The following NRXN1 variants were observed in gnomAD, a reference collection of about 807,000 sequenced individuals.
NRXN1 encodes neurexin-1.
Under a neutral mutation model 150.9 loss-of-function variants are expected in NRXN1, and 39 were observed. That is an observed-to-expected ratio of 0.26 (90% CI 0.20 to 0.34). The LOEUF is 0.34. NRXN1 is among the 10% of genes least tolerant of loss of function. NRXN1 has a pLI of 1.00. For missense variants in NRXN1, 1,815 were observed against 1,949.9 expected (o/e 0.93, Z 1.30); for synonymous variants, 924 against 757.0 (o/e 1.22, Z -3.62).
intron 17 of NRXN1, among the ~76,000 whole-genome samples, chr2:50,305,689 G>T (rs188458973): frequency 6.6e-6 from 1 of 152,126 alleles, no homozygotes. Flanking sequence ...TTATGAGAAA[G>T]TCTATTTGTG....
At chr2:50,831,099 A>G (rs1195488954) in intron 5 of NRXN1, among the ~76,000 whole-genome samples, 2 of 152,206 alleles carry the variant, frequency 1.3e-5, no homozygotes, top group African/African-American at 4.8e-5. Flanking sequence ...CAAACAATCC[A>G]ATTATACTCC....
At chr2:50,289,902 T>A (rs1176919755) in intron 17 of NRXN1, among the ~76,000 whole-genome samples, 2 of 152,154 alleles carry the variant, frequency 1.3e-5, no homozygotes, top group Admixed American at 1.3e-4. Flanking sequence ...AAAAATATAA[T>A]ATTTAGAATT....
chr2:50,625,000 G>C (rs918286308), intron 5 of NRXN1: 2 of 151,900 alleles, frequency 1.3e-5, no homozygotes, highest in Non-Finnish European at 2.9e-5. Flanking sequence ...GCATGGTTGG[G>C]AATCAGCTTC....
chr2:50,941,857 A>G (rs1689502756), intron 2 of NRXN1, among the ~76,000 whole-genome samples: 1 of 152,246 alleles, frequency 6.6e-6, no homozygotes, highest in East Asian at 1.9e-4. Flanking sequence ...AGCTGCAGAA[A>G]TTTGCATAAC....
chr2:49,965,274 A>G (rs947948693), intron 21 of NRXN1, among the ~76,000 whole-genome samples: 1 of 151,802 alleles, frequency 6.6e-6, no homozygotes, highest in African/African-American at 2.4e-5. Flanking sequence ...ATAAATATGT[A>G]TATATATTTT....
chr2:51,011,712 A>C (rs1407494269), intron 2 of NRXN1, among the ~76,000 whole-genome samples: 1 of 152,050 alleles, frequency 6.6e-6, no homozygotes, highest in East Asian at 1.9e-4. Context: ...GAGTCTGGAT[A>C]AGGAGACCAA....
chr2:50,364,397 A>G (rs989049151), intron 17 of NRXN1, among the ~76,000 whole-genome samples: 1 of 152,176 alleles, frequency 6.6e-6, no homozygotes, highest in African/African-American at 2.4e-5. Flanking sequence ...CCTCTCACAG[A>G]AAACCTGCCT....
At chr2:50,974,687 T>C (rs532770955) in intron 2 of NRXN1, among the ~76,000 whole-genome samples, 1 of 152,178 alleles carries the variant, frequency 6.6e-6, no homozygotes, top group Admixed American at 6.6e-5. Flanking sequence ...CTGTTTTTTT[T>C]CCCATCTAAA....
At chr2:50,826,266 A>C (rs1378609209) in intron 5 of NRXN1, among the ~76,000 whole-genome samples, 1 of 152,150 alleles carries the variant, frequency 6.6e-6, no homozygotes, top group Admixed American at 6.5e-5. Flanking sequence ...TAGTCATGTA[A>C]TCTTCTGGGG....
At chr2:49,944,524 C>T (rs570660601) in intron 21 of NRXN1, among the ~76,000 whole-genome samples, 1 of 152,128 alleles carries the variant, frequency 6.6e-6, no homozygotes, top group Admixed American at 6.6e-5. Flanking sequence ...TGCTTCATTG[C>T]GCTTACAGCA....
At chr2:50,823,371 CT>C (rs1670002205) in intron 5 of NRXN1, among the ~76,000 whole-genome samples, 2 of 151,760 alleles carry the variant, frequency 1.3e-5, no homozygotes, top group Non-Finnish European at 2.9e-5. Flanking sequence ...ATTTTTTTTT[CT>C]GGAAAAAATA....
chr2:50,097,649 T>G (rs552420474), intron 18 of NRXN1, among the ~76,000 whole-genome samples: 3 of 152,226 alleles, frequency 2.0e-5, no homozygotes, highest in African/African-American at 7.2e-5. Context: ...ACACTTTTTT[T>G]TTTTTTTGAG....
chr2:49,972,132 G>C (rs1415677528), intron 21 of NRXN1, among the ~76,000 whole-genome samples: 1 of 152,096 alleles, frequency 6.6e-6, no homozygotes, highest in Non-Finnish European at 1.5e-5. Context: ...CTGTATCTGG[G>C]TTCAACTAGA....
intron 18 of NRXN1, among the ~76,000 whole-genome samples, chr2:50,159,160 T>C (rs2059214326): frequency 6.6e-6 from 1 of 152,148 alleles, no homozygotes; most frequent in South Asian, 2.1e-4. Flanking sequence ...CCAGATTTGA[T>C]AAGATCACAG....
intron 16 of NRXN1, among the ~76,000 whole-genome samples, chr2:50,469,705 T>G (rs1308988638): frequency 1.3e-5 from 2 of 151,300 alleles, no homozygotes; most frequent in East Asian, 3.9e-4. Context: ...GTTGTTCACC[T>G]TGATGTTGGA....
intron 16 of NRXN1, among the ~76,000 whole-genome samples, chr2:50,471,303 T>A (rs1409501865): frequency 6.6e-6 from 1 of 151,752 alleles, no homozygotes; most frequent in African/African-American, 2.4e-5. Context: ...CCATGCTGTA[T>A]GCTTTTGTGC....
chr2:50,102,117 A>G (rs1461614570), intron 18 of NRXN1, among the ~76,000 whole-genome samples: 1 of 152,016 alleles, frequency 6.6e-6, no homozygotes, highest in East Asian at 1.9e-4. Flanking sequence ...ACAGCCATCA[A>G]AAATAAATCT....
intron 9 of NRXN1, among the ~76,000 whole-genome samples, chr2:50,549,450 CTA>C (rs1475137790): frequency 6.6e-6 from 1 of 152,048 alleles, no homozygotes; most frequent in African/African-American, 2.4e-5. Context: ...TACCAATTCA[CTA>C]ATCTGAAATT....
At chr2:50,698,133 T>C (rs1360546320) in intron 5 of NRXN1, among the ~76,000 whole-genome samples, 2 of 152,260 alleles carry the variant, frequency 1.3e-5, no homozygotes, top group Non-Finnish European at 2.9e-5. Context: ...AGGGTCATGG[T>C]CTTGTTTGTC....
Sources: allele counts gnomAD v4.1 joint callset (sites outside exome capture counted in the v4.1 genomes callset), GRCh38; gene constraint gnomAD v4.1.1; transcripts MANE v1.5; gene names NCBI Gene and HGNC (gene_info 2026-07-23, HGNC 2026-07-21).